AFF2: variants seen among roughly 807,000 people sequenced by gnomAD.
AFF2 encodes the protein AF4/FMR2 family member 2.
A neutral mutation model predicts 76.9 loss-of-function variants in AFF2; 14 were observed. The observed-to-expected ratio is 0.18, with a 90% CI of 0.12 to 0.28. The LOEUF (loss-of-function observed/expected upper bound fraction) is 0.28, where lower values mean the gene tolerates loss of function less well. Among genes scored for constraint, AFF2 ranks in the 10% least tolerant of loss-of-function variants. AFF2 has a pLI of 1.00. For missense variants in AFF2, 868 were observed against 1,001.1 expected (o/e 0.87, Z 1.79); for synonymous variants, 398 against 366.7 (o/e 1.09, Z -0.98).
chrX:148,961,601 A>G (rs1049715904), intron 12 of AFF2, among the ~76,000 whole-genome samples: 11 of 112,236 alleles, frequency 9.8e-5, no homozygotes, highest in African/African-American at 3.6e-4. Context: ...TGTGCAACAC[A>G]GTGGAAGTGG....
At chrX:148,987,988 C>T (rs782762197) in intron 20 of AFF2, among the ~76,000 whole-genome samples, 8 of 111,935 alleles carry the variant, frequency 7.1e-5, no homozygotes, top group African/African-American at 1.6e-4. Flanking sequence ...TACACGATAA[C>T]GCAGCTTGCA....
chrX:148,827,766 C>T (rs1364767363), intron 4 of AFF2, among the ~76,000 whole-genome samples: 2 of 112,195 alleles, frequency 1.8e-5, no homozygotes, highest in Admixed American at 1.9e-4. Context: ...CCACCAGACC[C>T]TGTACCGGGA....
At chrX:148,749,593 C>T (rs2055471885) in intron 3 of AFF2, among the ~76,000 whole-genome samples, 1 of 111,666 alleles carries the variant, frequency 9.0e-6, no homozygotes, top group Non-Finnish European at 1.9e-5. Flanking sequence ...TGGTTAACAG[C>T]AGCTTGTGGT....
intron 3 of AFF2, among the ~76,000 whole-genome samples, chrX:148,717,263 A>G (rs2055035791): frequency 8.9e-6 from 1 of 112,472 alleles, no homozygotes; most frequent in South Asian, 3.7e-4. Context: ...ACATACCACA[A>G]CATAGATGAA....
chrX:148,844,787 A>G (rs1557274598), intron 7 of AFF2, among the ~76,000 whole-genome samples: 1 of 111,407 alleles, frequency 9.0e-6, no homozygotes, highest in Non-Finnish European at 1.9e-5. Context: ...CCCTGACCCC[A>G]TCACTGGTCC....
At chrX:148,694,049 C>G (rs1036650107) in intron 3 of AFF2, among the ~76,000 whole-genome samples, 1 of 108,895 alleles carries the variant, frequency 9.2e-6, no homozygotes, top group Non-Finnish European at 1.9e-5. Flanking sequence ...AATCATCATT[C>G]TCAGTAAACT....
chrX:148,638,148 G>C (rs1443224837), intron 1 of AFF2, among the ~76,000 whole-genome samples: 1 of 111,741 alleles, frequency 8.9e-6, no homozygotes, highest in Admixed American at 9.5e-5. Context: ...CATTGTATTA[G>C]TCTATTATTG....
chrX:148,569,255 A>G (rs2053201698), intron 1 of AFF2, among the ~76,000 whole-genome samples: 1 of 111,356 alleles, frequency 9.0e-6, no homozygotes, highest in African/African-American at 3.3e-5. Flanking sequence ...AATTTAGATA[A>G]GAAAATCTAG....
chrX:148,703,589 CTCT>C, intron 3 of AFF2, among the ~76,000 whole-genome samples: 1 of 111,410 alleles, frequency 9.0e-6, no homozygotes, highest in East Asian at 2.8e-4. Context: ...GAGAGTAAAT[CTCT>C]TGCTTTAGAA....
chrX:148,538,377 G>A (rs1258762900), intron 1 of AFF2, among the ~76,000 whole-genome samples: 1 of 111,714 alleles, frequency 9.0e-6, no homozygotes, highest in Non-Finnish European at 1.9e-5. Context: ...TTTCTGACAA[G>A]CTTCTAGGTG....
rs186550431 is a variant in AFF2, at chrX:148,586,944, C to T, written c.48-65055C>T. 9.6e-4 allele frequency among the ~76,000 whole-genome samples: 107 copies of T among 111,003 alleles called. 1 individual carries two copies. The highest frequency in any genetic ancestry group is 3.3e-3 in the African/African-American group (101 of 30,526). ...TGGCTTCCTCCTCCTCTTCTTTTCT[C>T]CCTCCATCCTCCTTCCCCCTTCCAT... On this transcript the variant is annotated intron_variant, in intron 1 of 20. Transcript: ENST00000370460.
At chrX:148,570,801 C>T (rs782223830) in intron 1 of AFF2, among the ~76,000 whole-genome samples, 3 of 111,370 alleles carry the variant, frequency 2.7e-5, no homozygotes, top group Non-Finnish European at 5.7e-5. Context: ...GTAACCGCAT[C>T]CGTTCCTTGG....
intron 9 of AFF2, among the ~76,000 whole-genome samples, chrX:148,917,679 C>T (rs1436734186): frequency 8.9e-6 from 1 of 112,355 alleles, no homozygotes; most frequent in African/African-American, 3.2e-5. Context: ...TCTAAGGGAG[C>T]GGCCCTTAAG....
chrX:148,910,120 C>T (rs2071452435), intron 9 of AFF2, among the ~76,000 whole-genome samples: 1 of 112,037 alleles, frequency 8.9e-6, no homozygotes, highest in South Asian at 3.7e-4. Context: ...AAAATTCTTC[C>T]CTGCTTTTAC....
At chrX:148,989,287 A>G (rs939287851) in intron 20 of AFF2, among the ~76,000 whole-genome samples, 40 of 112,580 alleles carry the variant, frequency 3.6e-4, no homozygotes, top group African/African-American at 1.3e-3. Context: ...TTATCATTGC[A>G]TCCATTTTCA....
At chrX:148,844,460 G>A (rs1248176058) in intron 7 of AFF2, among the ~76,000 whole-genome samples, 3 of 112,124 alleles carry the variant, frequency 2.7e-5, no homozygotes, top group African/African-American at 9.7e-5. Context: ...ATTAACTATT[G>A]TAGATTTTCT....
chrX:148,666,922 G>C (rs782476580), intron 3 of AFF2, among the ~76,000 whole-genome samples: 5 of 112,291 alleles, frequency 4.5e-5, no homozygotes, highest in African/African-American at 1.6e-4. Context: ...GGTGCAATTT[G>C]TTATTAGTAT....
At position 148,741,542 on chromosome X, in the gene AFF2, A is replaced by G. The variant is rs1449230193; in HGVS notation, c.1042-68334A>G. Among the ~76,000 whole-genome samples, 7 of 110,316 alleles carry G rather than the reference A, an allele frequency of 6.3e-5. No homozygotes were observed. In the Admixed American group the frequency reaches 6.7e-4, roughly 11 times the overall value. Reference sequence around the variant, plus strand: ...AGAGGAAGGGCGAGACGGACTTGAAAACTTGCCCGAGGCTTTCCTCCTCTC... The same window carrying G: ...AGAGGAAGGGCGAGACGGACTTGAAGACTTGCCCGAGGCTTTCCTCCTCTC... On this transcript the variant is annotated intron_variant, in intron 3 of 20. Transcript: ENST00000370460.
intron 4 of AFF2, among the ~76,000 whole-genome samples, chrX:148,814,130 G>A (rs782324611): frequency 1.8e-5 from 2 of 111,922 alleles, no homozygotes; most frequent in East Asian, 5.7e-4. Flanking sequence ...CCACAGTGAT[G>A]GCATTTTGCA....
Sources: gnomAD v4.1 joint callset for allele counts (sites outside exome capture counted in the v4.1 genomes callset) on GRCh38, gnomAD v4.1.1 for gene constraint, MANE v1.5 for transcripts, NCBI Gene and HGNC (gene_info 2026-07-23, HGNC 2026-07-21) for gene names.